Variants in FGF14 observed in about 807,000 individuals in gnomAD.
The protein encoded by FGF14 is fibroblast growth factor homologous factor 4.
Under a neutral mutation model 25.5 loss-of-function variants are expected in FGF14, and 5 were observed. The observed-to-expected ratio is 0.20, with a 90% CI of 0.10 to 0.41. The LOEUF is 0.41. Ranked by LOEUF, FGF14 falls within the 10% of genes least tolerant of loss-of-function variation. The probability of loss-of-function intolerance (pLI) is 1.00; values close to 1 mark genes in which losing one functional copy is unlikely to be tolerated. For synonymous variants in FGF14, 138 were observed against 118.3 expected (o/e 1.17, Z -1.08); for missense variants, 222 against 320.1 (o/e 0.69, Z 2.34).
chr13:102,139,928 T>C (rs1352278738), intron 1 of FGF14, among the ~76,000 whole-genome samples: 1 of 152,048 alleles, frequency 6.6e-6, no homozygotes, highest in African/African-American at 2.4e-5. Context: ...TTCATTGTCA[T>C]GTAATTGTTT....
intron 3 of FGF14, among the ~76,000 whole-genome samples, chr13:101,815,948 T>A (rs148401846): frequency 6.6e-6 from 1 of 152,202 alleles, no homozygotes; most frequent in Non-Finnish European, 1.5e-5. Flanking sequence ...AAAACTTTGA[T>A]CATTTTTGGC....
At chr13:101,941,366 G>T (rs907127553) in intron 1 of FGF14, among the ~76,000 whole-genome samples, 4 of 152,206 alleles carry the variant, frequency 2.6e-5, no homozygotes, top group African/African-American at 9.6e-5. Flanking sequence ...AACTAGAATT[G>T]CTATTTGTGG....
At chr13:101,819,844 C>T (rs1000515059) in intron 3 of FGF14, among the ~76,000 whole-genome samples, 2 of 152,194 alleles carry the variant, frequency 1.3e-5, no homozygotes, top group African/African-American at 4.8e-5. Context: ...CACTTTTGCA[C>T]AGCCATGCAC....
chr13:102,277,616 G>A (rs1178032587), intron 1 of FGF14, among the ~76,000 whole-genome samples: 1 of 152,226 alleles, frequency 6.6e-6, no homozygotes, highest in African/African-American at 2.4e-5. Context: ...CCGCTGGACA[G>A]CATCCCAAGC....
intron 1 of FGF14, chr13:102,045,992 T>C (rs2041964667): frequency 6.5e-6 from 1 of 154,350 alleles, no homozygotes; most frequent in Non-Finnish European, 1.5e-5. Flanking sequence ...TACCAAGTGA[T>C]TGATCTTGTG....
chr13:101,762,030 G>A (rs574457511), intron 3 of FGF14, among the ~76,000 whole-genome samples: 2 of 152,296 alleles, frequency 1.3e-5, no homozygotes, highest in Admixed American at 6.5e-5. Context: ...ATAGGTTGAT[G>A]ATCTGTGTAG....
In FGF14 at chr13:102,125,489, T is replaced by C. The variant is rs558559776; in HGVS notation, c.209-250193A>G. Among the ~76,000 whole-genome samples the C allele has an allele frequency of 4.6e-5, 7 of 152,246 alleles. No individual in the cohort carries two copies. In the South Asian group the frequency reaches 1.5e-3, roughly 32 times the overall value. Reference sequence around the variant, plus strand: ...GCTTCACCTACTGTTGTATAAAAACTGGCCCATGAATTAACATAGAAAGAA... The same window carrying C: ...GCTTCACCTACTGTTGTATAAAAACCGGCCCATGAATTAACATAGAAAGAA... On this transcript the variant is annotated intron_variant, in intron 1 of 4. Transcript: ENST00000376131.
chr13:102,168,241 C>G (rs536332882), intron 1 of FGF14, among the ~76,000 whole-genome samples: 1 of 152,034 alleles, frequency 6.6e-6, no homozygotes, highest in Non-Finnish European at 1.5e-5. Flanking sequence ...GAAAAAGGTG[C>G]GTATGATGGG....
chr13:102,084,329 T>C (rs1398640788), intron 1 of FGF14, among the ~76,000 whole-genome samples: 1 of 152,196 alleles, frequency 6.6e-6, no homozygotes, highest in Non-Finnish European at 1.5e-5. Context: ...GATGTTTTGG[T>C]CTATTTTGGG....
chr13:102,153,752 T>TAGAA (rs1193327473), intron 1 of FGF14, among the ~76,000 whole-genome samples: 1 of 152,142 alleles, frequency 6.6e-6, no homozygotes, highest in African/African-American at 2.4e-5. Context: ...ACTCTCAGAG[T>TAGAA]TAGCAATGTA....
At position 101,713,494 on chromosome 13, in the gene FGF14, C is replaced by T. The variant is rs1234211903; in HGVS notation, c.*9337G>A. ...AAATGGAAGTCATGTTTGGAAAGAA[C>T]AACCAACCCAAGGAAACAGAAGGAA... is the stretch of plus-strand genomic sequence containing the variant. On this transcript the variant is annotated 3_prime_UTR_variant, in exon 5 of 5. Coordinates refer to ENST00000376143, the MANE Select transcript of FGF14 (RefSeq NM_004115.4). The T allele has an allele frequency of 6.6e-6, 1 of 152,080 alleles. No homozygotes were observed. Among genetic ancestry groups the T allele is most frequent in the Non-Finnish European group, 1.5e-5 (1 of 68,000 alleles). The allele number at this position is 152,080 out of a possible 1,614,324, so 9.4% of individuals were successfully genotyped here. A position where few individuals can be genotyped will look rare whatever the true frequency, so the allele number is the denominator to read the frequency against.
intron 1 of FGF14, among the ~76,000 whole-genome samples, chr13:102,015,940 C>T (rs2040317301): frequency 6.6e-6 from 1 of 152,096 alleles, no homozygotes; most frequent in Non-Finnish European, 1.5e-5. Flanking sequence ...GAAATACTCT[C>T]CAAAATTTAA....
chr13:101,893,110 A>G (rs2030004400), intron 1 of FGF14, among the ~76,000 whole-genome samples: 1 of 152,082 alleles, frequency 6.6e-6, no homozygotes, highest in African/African-American at 2.4e-5. Flanking sequence ...ACAAGGACTT[A>G]ATTGTGAGAG....
intron 1 of FGF14, among the ~76,000 whole-genome samples, chr13:102,255,693 T>C (rs1046932284): frequency 4.7e-4 from 71 of 152,298 alleles, no homozygotes; most frequent in African/African-American, 1.5e-3. Context: ...GGGGGGCAAG[T>C]AGATGAAGAA....
intron 1 of FGF14, among the ~76,000 whole-genome samples, chr13:101,933,952 A>G (rs1324212619): frequency 6.6e-6 from 1 of 152,204 alleles, no homozygotes. Flanking sequence ...ATGTATATGT[A>G]TAATTCAGAG....
intron 1 of FGF14, among the ~76,000 whole-genome samples, chr13:102,030,590 ATCT>A (rs1366103711): frequency 6.6e-6 from 1 of 152,032 alleles, no homozygotes; most frequent in African/African-American, 2.4e-5. Flanking sequence ...ATGACTTCTG[ATCT>A]TCTTTACAAA....
At chr13:102,300,805 T>A (rs574000893) in intron 1 of FGF14, among the ~76,000 whole-genome samples, 1 of 152,218 alleles carries the variant, frequency 6.6e-6, no homozygotes, top group Admixed American at 6.5e-5. Flanking sequence ...ATATTTCACA[T>A]AATCACACAT....
At chr13:101,990,069 A>C (rs1008032059) in intron 1 of FGF14, among the ~76,000 whole-genome samples, 4 of 152,152 alleles carry the variant, frequency 2.6e-5, no homozygotes, top group African/African-American at 9.7e-5. Flanking sequence ...TGTGGTGCTC[A>C]TAAAACAATA....
chr13:101,938,545 T>A (rs1362565151), intron 1 of FGF14, among the ~76,000 whole-genome samples: 1 of 152,232 alleles, frequency 6.6e-6, no homozygotes, highest in Non-Finnish European at 1.5e-5. Flanking sequence ...ATAAAATCCA[T>A]GCCATTGAGA....
Sources: allele counts gnomAD v4.1 joint callset (sites outside exome capture counted in the v4.1 genomes callset), GRCh38; gene constraint gnomAD v4.1.1; transcripts MANE v1.5; gene names NCBI Gene and HGNC (gene_info 2026-07-23, HGNC 2026-07-21).